Variants in UNC13B observed in about 807,000 individuals in gnomAD.
The protein encoded by UNC13B is protein unc-13 homolog B.
UNC13B carries 144 observed loss-of-function variants against 211.0 expected under a neutral mutation model. The ratio of observed to expected loss-of-function variants is 0.68; its 90% CI spans 0.60 to 0.78. The LOEUF (loss-of-function observed/expected upper bound fraction) is 0.78, where lower values mean the gene tolerates loss of function less well. Ranked by LOEUF, UNC13B falls within the 30% of genes least tolerant of loss-of-function variation. The pLI, the probability that UNC13B is intolerant of heterozygous loss-of-function variation, is 0.00. For synonymous variants in UNC13B, 709 were observed against 725.8 expected (o/e 0.98, Z 0.37); for missense variants, 1,777 against 2,002.0 (o/e 0.89, Z 2.14).
chr9:35,282,126 C>T (rs564140543), intron 7 of UNC13B, among the ~76,000 whole-genome samples: 80 of 152,256 alleles, frequency 5.3e-4, no homozygotes, highest in Non-Finnish European at 8.7e-4. Flanking sequence ...CATTAAAAAT[C>T]TTTTTAATGG....
intron 11 of UNC13B, among the ~76,000 whole-genome samples, chr9:35,322,828 A>G (rs950251253): frequency 6.6e-6 from 1 of 152,020 alleles, no homozygotes; most frequent in Non-Finnish European, 1.5e-5. Flanking sequence ...ATGTCTGCCT[A>G]TCTTAACTTC....
chr9:35,287,597 G>T (rs546104026), intron 7 of UNC13B, among the ~76,000 whole-genome samples: 1 of 151,924 alleles, frequency 6.6e-6, no homozygotes, highest in East Asian at 1.9e-4. Context: ...GTTCCTTAGG[G>T]TTCCCCCACT....
chr9:35,320,308 G>A (rs1393012408), intron 11 of UNC13B, among the ~76,000 whole-genome samples: 1 of 152,152 alleles, frequency 6.6e-6, no homozygotes, highest in Non-Finnish European at 1.5e-5. Flanking sequence ...AAGTGGAGCA[G>A]TATGACATAC....
At chr9:35,241,743 C>T (rs1825826517) in intron 5 of UNC13B, among the ~76,000 whole-genome samples, 1 of 152,232 alleles carries the variant, frequency 6.6e-6, no homozygotes, top group Admixed American at 6.6e-5. Flanking sequence ...CCACCTTGCA[C>T]TTCCCACTCT....
rs552799966 is a variant in UNC13B, at chr9:35,317,514, G to C, written c.9414+3525G>C. 7.4e-4 allele frequency among the ~76,000 whole-genome samples: 101 copies of C among 135,584 alleles called. No homozygotes were observed. In the South Asian group the frequency reaches 0.019, roughly 26 times the overall value. 88.9% of individuals were successfully genotyped at this position (135,584 alleles called of 152,430 possible). Reference sequence around the variant, plus strand: ...GCGTGAGCCACTGCATCTGGCTAAAGAAGCTTTTTTTTTTTTTTTTTTTTT... The same window carrying C: ...GCGTGAGCCACTGCATCTGGCTAAACAAGCTTTTTTTTTTTTTTTTTTTTT... On this transcript the variant is annotated intron_variant, in intron 11 of 39. Transcript: ENST00000635942.
At position 35,377,465 on chromosome 9, in the gene UNC13B, CA is replaced by C. The variant is rs1564178938; in HGVS notation, c.9836-2del. On this transcript the variant is annotated splice_acceptor_variant, in intron 15 of 39. Coordinates refer to ENST00000635942, the MANE Select transcript of UNC13B (RefSeq NM_001371189.2). LOFTEE classifies it high-confidence loss of function. ...GACCTGTTGTGTTCCTGGCCACCTT[CA>C]GGGGCTGCAGAAAAGAGCTGTAAAC... 1.9e-6 allele frequency: 3 copies of C among 1,614,158 alleles called. No individual in the cohort carries two copies. Among genetic ancestry groups the C allele is most frequent in the Non-Finnish European group, 2.5e-6 (3 of 1,180,002 alleles).
Position 35,243,371 on chromosome 9 carries a change from G to C in UNC13B, c.468+7G>C, listed in dbSNP as rs1419813053. On this transcript the variant is annotated splice_region_variant and intron_variant, in intron 6 of 39. Coordinates refer to ENST00000635942, the MANE Select transcript of UNC13B (RefSeq NM_001371189.2). ...CTTGGGAGCTGACAATGAGGTAGGA[G>C]CAGCCTTATTTGCAGTATAGAGAGA... 3 of 1,613,234 alleles carry C rather than the reference G, an allele frequency of 1.9e-6. No homozygotes were observed. In the South Asian group the frequency reaches 3.3e-5, roughly 18 times the overall value.
chr9:35,297,834 C>T (rs1302784342), intron 8 of UNC13B, among the ~76,000 whole-genome samples: 1 of 152,120 alleles, frequency 6.6e-6, no homozygotes, highest in Non-Finnish European at 1.5e-5. Context: ...CAGGCGTGAG[C>T]CACCGCGCCC....
At position 35,306,743 on chromosome 9, in the gene UNC13B, G is replaced by T; in HGVS notation, c.7339G>T (p.Asp2447Tyr). The T allele has an allele frequency of 2.5e-6, 1 of 399,062 alleles. No homozygotes were observed. The highest frequency in any genetic ancestry group is 1.3e-4 in the South Asian group (1 of 7,848). 24.7% of individuals were successfully genotyped at this position (399,062 alleles called of 1,614,324 possible). A position where few individuals can be genotyped will look rare whatever the true frequency, so the allele number is the denominator to read the frequency against. ...GAACCAAGATGCAGATAAAGAGGAA[G>T]ACAAATTTGCATTAGGCTCTTCAGT... The part of the protein sequence containing the change: ...LQNQDADKEE[D>Y]KFALGSSVDM... Residue 2447 changes from aspartate to tyrosine, a missense_variant, in exon 9 of 40, where the codon GAC becomes TAC. Transcript: ENST00000635942.
chr9:35,256,764 CTTATT>C (rs1428646179), intron 6 of UNC13B, among the ~76,000 whole-genome samples: 2 of 152,128 alleles, frequency 1.3e-5, no homozygotes, highest in Non-Finnish European at 2.9e-5. Flanking sequence ...ATTACACACA[CTTATT>C]TAATATGATA....
chr9:35,385,376 A>G (rs574460623), intron 22 of UNC13B: 1 of 985,408 alleles, frequency 1.0e-6, no homozygotes, highest in Admixed American at 6.1e-5. Context: ...CGAAGAACTC[A>G]CTGTTGGTGT....
At chr9:35,392,464 C>T (rs1220001445) in intron 26 of UNC13B, among the ~76,000 whole-genome samples, 1 of 151,992 alleles carries the variant, frequency 6.6e-6, no homozygotes, top group South Asian at 2.1e-4. Flanking sequence ...AACAGGACTT[C>T]GTGATTGTCA....
chr9:35,314,080 T>A, intron 11 of UNC13B, 91 bp downstream of exon 11: 1 of 1,037,952 alleles, frequency 9.6e-7, no homozygotes, highest in Non-Finnish European at 1.5e-6. Context: ...TGATTAGTCA[T>A]CTTCTTACAG....
intron 22 of UNC13B, chr9:35,384,570 C>T (rs1835066620): frequency 1.0e-6 from 1 of 985,476 alleles, no homozygotes; most frequent in South Asian, 4.7e-5. Flanking sequence ...CTCTACTAAA[C>T]TCTCTGGTGA....
At position 35,399,436 on chromosome 9, in the gene UNC13B, T is replaced by C. The variant is rs1427049290; in HGVS notation, c.12243T>C (p.Leu4081=). 6.2e-7 allele frequency: 1 copy of C among 1,613,996 alleles called. No homozygotes were observed. The highest frequency in any genetic ancestry group is 1.3e-5 in the African/African-American group (1 of 74,882). The change falls in exon 35 of 40, where the codon CTT becomes CTC. Residue 4081 remains leucine, a synonymous_variant. Coordinates refer to ENST00000635942, the MANE Select transcript of UNC13B (RefSeq NM_001371189.2). The stretch of plus-strand genomic sequence containing the variant: ...CTGCTGCCAAGGAGCTGAGCCATCT[T>C]TCCAAACTCAAGGTACTCTGGGTGT... ...IFTAAKELSH[L]SKLKDHMVRE... is the part of the protein sequence containing the mutation.
chr9:35,317,260 G>T lies in UNC13B; in HGVS notation c.9414+3271G>T, dbSNP rs143672354. On this transcript the variant is annotated intron_variant, in intron 11 of 39. Coordinates refer to ENST00000635942, the MANE Select transcript of UNC13B (RefSeq NM_001371189.2). Reference sequence around the variant, plus strand: ...CTGTCGCTTAGGCTGGAGTGCAGTGGCATGATCATAGCTCACTGCAGCGTC... The same window carrying T: ...CTGTCGCTTAGGCTGGAGTGCAGTGTCATGATCATAGCTCACTGCAGCGTC... 3.2e-3 allele frequency among the ~76,000 whole-genome samples: 493 copies of T among 152,182 alleles called. 2 individuals carry two copies. Among genetic ancestry groups the T allele is most frequent in the African/African-American group, 0.011 (468 of 41,504 alleles).
At chr9:35,237,569 G>C in intron 4 of UNC13B, 134 bp from the exon 5 acceptor site, 1 of 1,063,146 alleles carries the variant, frequency 9.4e-7, no homozygotes, top group Non-Finnish European at 1.4e-6. Flanking sequence ...TGGTGATAGT[G>C]GTGTGTTTGC....
At chr9:35,167,754 AT>A (rs765603183) in intron 1 of UNC13B, among the ~76,000 whole-genome samples, 23,352 of 115,662 alleles carry the variant, frequency 0.2, 1,951 homozygotes, top group Non-Finnish European at 0.28. Context: ...TGCCTGGCTA[AT>A]TTTTTTTTTT....
At chr9:35,342,395 G>A in intron 11 of UNC13B, 1 of 982,018 alleles carries the variant, frequency 1.0e-6, no homozygotes. Context: ...CAGGGCAAAA[G>A]GAAAGCATTT....
Sources: gnomAD v4.1 joint callset for allele counts (sites outside exome capture counted in the v4.1 genomes callset) on GRCh38, gnomAD v4.1.1 for gene constraint, MANE v1.5 for transcripts, NCBI Gene and HGNC (gene_info 2026-07-23, HGNC 2026-07-21) for gene names.